The following CEP128 variants were observed in gnomAD, a reference collection of about 807,000 sequenced individuals.
CEP128 encodes the protein centrosomal protein 128kDa.
A neutral mutation model predicts 156.7 loss-of-function variants in CEP128; 132 were observed. That is an observed-to-expected ratio of 0.84 (90% CI 0.73 to 0.97). The LOEUF is 0.97. Among genes scored for constraint, CEP128 ranks in the 50% least tolerant of loss-of-function variants. CEP128 has a pLI of 0.00. For synonymous variants in CEP128, 469 were observed against 448.9 expected, an observed-to-expected ratio of 1.04 and a Z score of -0.57; for missense variants, 1,252 against 1,281.9, an observed-to-expected ratio of 0.98 and a Z score of 0.36.
intron 19 of CEP128, among the ~76,000 whole-genome samples, chr14:80,683,362 A>G (rs534192849): frequency 6.6e-6 from 1 of 152,324 alleles, no homozygotes; most frequent in African/African-American, 2.4e-5. Context: ...CAATGTTAAA[A>G]TGACAAAGAA....
intron 20 of CEP128, among the ~76,000 whole-genome samples, chr14:80,574,457 C>T (rs10138323): frequency 0.62 from 94,072 of 152,014 alleles, 30,531 homozygotes; most frequent in African/African-American, 0.83. Context: ...GTTTCTCACA[C>T]GGTTTCCTTA....
At chr14:80,749,676 T>C (rs903322534) in intron 18 of CEP128, among the ~76,000 whole-genome samples, 3 of 152,130 alleles carry the variant, frequency 2.0e-5, no homozygotes, top group African/African-American at 7.2e-5. Context: ...TGGGTATATA[T>C]AGAATGAGTA....
intron 19 of CEP128, among the ~76,000 whole-genome samples, chr14:80,619,062 T>C (rs1333018091): frequency 2.0e-5 from 3 of 152,178 alleles, no homozygotes; most frequent in Non-Finnish European, 4.4e-5. Flanking sequence ...AAATGAACAC[T>C]GCCCGCATAG....
chr14:80,812,712 G>A (rs1267773842), intron 13 of CEP128, among the ~76,000 whole-genome samples: 1 of 152,094 alleles, frequency 6.6e-6, no homozygotes, highest in Non-Finnish European at 1.5e-5. Flanking sequence ...TTACAGGCAC[G>A]TGCCACCACA....
intron 8 of CEP128, among the ~76,000 whole-genome samples, chr14:80,877,017 T>A (rs137870206): frequency 2.4e-4 from 37 of 152,200 alleles, no homozygotes; most frequent in African/African-American, 7.5e-4. Context: ...CAAAATTAAA[T>A]AACAAAATAG....
intron 6 of CEP128, 106 bp downstream of exon 6, chr14:80,904,707 C>A: frequency 1.4e-6 from 1 of 724,588 alleles, no homozygotes; most frequent in South Asian, 1.7e-5. Context: ...TACTAATGAT[C>A]AAATTCTTGG....
intron 15 of CEP128, among the ~76,000 whole-genome samples, chr14:80,783,255 T>C (rs1387548520): frequency 2.6e-5 from 4 of 152,192 alleles, no homozygotes; most frequent in East Asian, 1.9e-4. Flanking sequence ...AGTATCATTA[T>C]CCACCTAATC....
At chr14:80,553,091 T>TTA (rs397740141) in intron 21 of CEP128, among the ~76,000 whole-genome samples, 7 of 151,926 alleles carry the variant, frequency 4.6e-5, no homozygotes, top group African/African-American at 9.7e-5. Context: ...TTCTTTTTTT[T>TTA]AATTATACTT....
At chr14:80,480,580 G>T (rs1473498468) in intron 14 of CEP128, among the ~76,000 whole-genome samples, 3 of 152,188 alleles carry the variant, frequency 2.0e-5, no homozygotes, top group Non-Finnish European at 2.9e-5. Context: ...GGGAGGGGCT[G>T]CCGAGAAGGT....
chr14:80,947,017 T>G (rs1339651739), intron 2 of CEP128, among the ~76,000 whole-genome samples: 2 of 152,140 alleles, frequency 1.3e-5, no homozygotes, highest in African/African-American at 2.4e-5. Context: ...AAAAGGTGCT[T>G]GCTTCCTCCT....
At chr14:80,736,174 A>T (rs1470322767) in intron 19 of CEP128, among the ~76,000 whole-genome samples, 1 of 152,122 alleles carries the variant, frequency 6.6e-6, no homozygotes, top group Admixed American at 6.5e-5. Context: ...ACCTCCCAGA[A>T]ATCCATATTT....
At position 80,777,933 on chromosome 14, in the gene CEP128, G is replaced by C; in HGVS notation, c.2325C>G (p.Asn775Lys). Residue 775 changes from asparagine (N) to lysine (K), a missense_variant, in exon 16 of 25, where the codon AAC becomes AAG. By Grantham distance (94) the Asn-to-Lys change is moderately conservative (BLOSUM62 0). Coordinates refer to ENST00000555265, the MANE Select transcript of CEP128 (RefSeq NM_152446.5). The part of the protein sequence containing the change: ...TEELTQNENE[N>K]KKLKLKYQCL... ...ATTGATATTTTAGCTTCAGTTTTTT[G>C]TTCTCATTTTCATTCTGGGTTAATT... is the stretch of plus-strand genomic sequence containing the variant. The C allele has an allele frequency of 6.2e-7, 1 of 1,611,676 alleles. No homozygotes were observed. The highest frequency in any genetic ancestry group is 8.5e-7 in the Non-Finnish European group (1 of 1,178,530).
intron 19 of CEP128, among the ~76,000 whole-genome samples, chr14:80,679,286 A>G (rs1302142079): frequency 6.6e-6 from 1 of 152,340 alleles, no homozygotes; most frequent in East Asian, 1.9e-4. Flanking sequence ...GGTCAGGCAG[A>G]ATAGAGCCAC....
intron 20 of CEP128, among the ~76,000 whole-genome samples, chr14:80,571,523 A>G (rs1891139126): frequency 6.6e-6 from 1 of 152,192 alleles, no homozygotes; most frequent in Non-Finnish European, 1.5e-5. Context: ...GACACTGGAA[A>G]AGGAATGCAC....
At chr14:80,931,844 C>G (rs546386548) in intron 2 of CEP128, among the ~76,000 whole-genome samples, 1 of 152,308 alleles carries the variant, frequency 6.6e-6, no homozygotes, top group Non-Finnish European at 1.5e-5. Flanking sequence ...TGAGCCAGGG[C>G]CTTCTTTCTC....
At chr14:80,644,596 A>G (rs1036139020) in intron 19 of CEP128, among the ~76,000 whole-genome samples, 2 of 152,260 alleles carry the variant, frequency 1.3e-5, no homozygotes, top group Non-Finnish European at 2.9e-5. Context: ...AAACTCAAAT[A>G]TCAAAAAAGT....
At chr14:80,587,144 A>C (rs1891853735) in intron 19 of CEP128, among the ~76,000 whole-genome samples, 1 of 152,198 alleles carries the variant, frequency 6.6e-6, no homozygotes, top group Non-Finnish European at 1.5e-5. Flanking sequence ...AAAAAGGCCT[A>C]TTAGTAAACT....
At chr14:80,747,071 A>G (rs1163036803) in intron 18 of CEP128, among the ~76,000 whole-genome samples, 2 of 152,232 alleles carry the variant, frequency 1.3e-5, no homozygotes, top group African/African-American at 4.8e-5. Context: ...AATCAAAAAG[A>G]CAGATAATAA....
chr14:80,522,804 G>C (rs1460063452), intron 23 of CEP128, among the ~76,000 whole-genome samples: 1 of 152,212 alleles, frequency 6.6e-6, no homozygotes, highest in South Asian at 2.1e-4. Context: ...CTTGATGAAA[G>C]AGAGGCCATG....
Sources: allele counts gnomAD v4.1 joint callset (sites outside exome capture counted in the v4.1 genomes callset), GRCh38; gene constraint gnomAD v4.1.1; transcripts MANE v1.5; gene names NCBI Gene and HGNC (gene_info 2026-07-23, HGNC 2026-07-21).